ANO10: variants seen among roughly 807,000 people sequenced by gnomAD.
ANO10 encodes anoctamin 10, also known as anoctamin-10.
In ANO10, 77 loss-of-function variants were observed where a neutral mutation model predicts 74.7. That is an observed-to-expected ratio of 1.03 (90% CI 0.86 to 1.25). ANO10 has a LOEUF of 1.25. Among genes scored for constraint, ANO10 ranks in the 50% most tolerant of loss-of-function variants. The probability of loss-of-function intolerance (pLI) is 0.00; values close to 1 mark genes in which losing one functional copy is unlikely to be tolerated. For missense variants in ANO10, 721 were observed against 778.1 expected, an observed-to-expected ratio of 0.93 and a Z score of 0.87; for synonymous variants, 279 against 284.9, an observed-to-expected ratio of 0.98 and a Z score of 0.21.
At chr3:43,508,934 A>C (rs2077403449) in intron 11 of ANO10, among the ~76,000 whole-genome samples, 1 of 139,150 alleles carries the variant, frequency 7.2e-6, no homozygotes, top group South Asian at 2.4e-4. Flanking sequence ...CCTATAACTT[A>C]AAGTATAATA....
chr3:43,516,052 T>C (rs2077698627), intron 11 of ANO10, among the ~76,000 whole-genome samples: 2 of 152,178 alleles, frequency 1.3e-5, no homozygotes, highest in African/African-American at 2.4e-5. Flanking sequence ...CGACCTTACA[T>C]TAGCAACACC....
intron 11 of ANO10, among the ~76,000 whole-genome samples, chr3:43,488,027 T>G (rs1426511994): frequency 1.3e-5 from 2 of 152,132 alleles, no homozygotes; most frequent in Non-Finnish European, 2.9e-5. Flanking sequence ...TATCTACAAC[T>G]ATCTGATCTT....
chr3:43,654,688 C>T (rs1184632369), intron 1 of ANO10, among the ~76,000 whole-genome samples: 3 of 152,160 alleles, frequency 2.0e-5, no homozygotes, highest in South Asian at 4.1e-4. Context: ...CTTCTCCAGC[C>T]AGAAGATGGA....
chr3:43,577,071 C>T lies in ANO10; in HGVS notation c.783G>A (p.Trp261Ter), dbSNP rs2081042322. The change falls in exon 6 of 13, where the codon TGG becomes TGA. Residue 261 changes from tryptophan to a stop codon, truncating the protein, a stop_gained. Transcript: ENST00000292246. LOFTEE classifies it high-confidence loss of function. Reference sequence around the variant, plus strand: ...AGGTCATGTTGGCACAGCCACGCTTCCACAGTTCCAGAATCACCGTGGACC... The same window carrying T: ...AGGTCATGTTGGCACAGCCACGCTTTCACAGTTCCAGAATCACCGTGGACC... ...LIWSTVILEL[W>*]KRGCANMTYR... The T allele has an allele frequency of 6.2e-7, 1 of 1,614,228 alleles. No individual in the cohort carries two copies. The highest frequency in any genetic ancestry group is 1.3e-5 in the African/African-American group (1 of 75,062).
chr3:43,463,367 C>G (rs2075471404), intron 11 of ANO10, among the ~76,000 whole-genome samples: 7 of 152,234 alleles, frequency 4.6e-5, no homozygotes, highest in Admixed American at 3.3e-4. Context: ...GAGAAAATAG[C>G]TTGTGGATTG....
At chr3:43,634,347 TAA>T (rs1222576440) in intron 1 of ANO10, among the ~76,000 whole-genome samples, 3 of 152,136 alleles carry the variant, frequency 2.0e-5, no homozygotes, top group African/African-American at 7.2e-5. Context: ...AGTATAAAAA[TAA>T]AAGACTATTA....
intron 11 of ANO10, among the ~76,000 whole-genome samples, chr3:43,467,406 AT>A (rs1231517033): frequency 6.6e-6 from 1 of 152,252 alleles, no homozygotes; most frequent in Non-Finnish European, 1.5e-5. Flanking sequence ...TGGAATAAAT[AT>A]TTAGCAATAT....
intron 11 of ANO10, among the ~76,000 whole-genome samples, chr3:43,504,548 G>C (rs1228680359): frequency 6.6e-6 from 1 of 151,402 alleles, no homozygotes; most frequent in African/African-American, 2.4e-5. Flanking sequence ...CCATTGCTAA[G>C]AGAGTTACTG....
intron 1 of ANO10, among the ~76,000 whole-genome samples, chr3:43,639,991 G>A (rs577907992): frequency 2.0e-5 from 3 of 152,086 alleles, no homozygotes; most frequent in Non-Finnish European, 2.9e-5. Context: ...CCTGAGAGTC[G>A]GGGTTGCAGA....
chr3:43,567,768 G>C (rs1438625364), intron 7 of ANO10, among the ~76,000 whole-genome samples: 2 of 151,780 alleles, frequency 1.3e-5, no homozygotes, highest in African/African-American at 4.8e-5. Flanking sequence ...GGAAGAAACT[G>C]CATCAACTAA....
chr3:43,623,222 C>A (rs2083457059), upstream of ANO10, among the ~76,000 whole-genome samples: 1 of 151,992 alleles, frequency 6.6e-6, no homozygotes, highest in African/African-American at 2.4e-5. Context: ...TAGGTGAGGC[C>A]AGAACAATAA....
At chr3:43,660,714 G>A (rs1239264605) in intron 1 of ANO10, among the ~76,000 whole-genome samples, 1 of 152,168 alleles carries the variant, frequency 6.6e-6, no homozygotes, top group Non-Finnish European at 1.5e-5. Flanking sequence ...CAGCACTTTG[G>A]GAGGCCAAGG....
At chr3:43,531,062 A>G (rs1240739007) in intron 11 of ANO10, among the ~76,000 whole-genome samples, 2 of 152,236 alleles carry the variant, frequency 1.3e-5, no homozygotes, top group African/African-American at 4.8e-5. Flanking sequence ...TCTTTTAACT[A>G]AAACCTGTGT....
At chr3:43,458,757 G>A (rs1207089048) in intron 11 of ANO10, among the ~76,000 whole-genome samples, 1 of 152,102 alleles carries the variant, frequency 6.6e-6, no homozygotes, top group Non-Finnish European at 1.5e-5. Context: ...CGTGATCTAG[G>A]TTTTAAGCTC....
In ANO10 at chr3:43,668,879, CT is replaced by C. The variant is rs563201225; in HGVS notation, c.-12+22637del. Among the ~76,000 whole-genome samples, 199 of 152,068 alleles carry C rather than the reference CT, an allele frequency of 1.3e-3. 1 individual carries two copies. The highest frequency in any genetic ancestry group is 1.6e-3 in the Non-Finnish European group (112 of 67,964). On this transcript the variant is annotated intron_variant, in intron 1 of 3. Coordinates refer to the ANO10 transcript ENST00000413397. ...TTTGTTCCTGTTTTTATATTCCATA[CT>C]TTTTTTCGCTATTTTAATTGAGCAT...
chr3:43,486,077 G>C (rs991080682), intron 11 of ANO10, among the ~76,000 whole-genome samples: 2 of 152,220 alleles, frequency 1.3e-5, no homozygotes, highest in African/African-American at 4.8e-5. Context: ...CATCTGTAGA[G>C]AATCTCCATT....
intron 12 of ANO10, among the ~76,000 whole-genome samples, chr3:43,393,920 C>T (rs1453891721): frequency 1.3e-5 from 2 of 152,110 alleles, no homozygotes; most frequent in African/African-American, 4.8e-5. Flanking sequence ...CTCAAGACCC[C>T]CTCTACCTGC....
chr3:43,454,387 G>A (rs1217769163), intron 11 of ANO10, among the ~76,000 whole-genome samples: 1 of 152,168 alleles, frequency 6.6e-6, no homozygotes, highest in African/African-American at 2.4e-5. Flanking sequence ...GATGTGTAAG[G>A]TTATTAACAA....
intron 11 of ANO10, among the ~76,000 whole-genome samples, chr3:43,544,541 C>T (rs1015760696): frequency 6.6e-6 from 1 of 151,920 alleles, no homozygotes; most frequent in African/African-American, 2.4e-5. Context: ...ACCTGTAATC[C>T]CAGCACTTTG....
Sources: allele counts gnomAD v4.1 joint callset (sites outside exome capture counted in the v4.1 genomes callset), GRCh38; gene constraint gnomAD v4.1.1; transcripts MANE v1.5; gene names NCBI Gene and HGNC (gene_info 2026-07-23, HGNC 2026-07-21).